Variants in ZNF91 observed in about 807,000 individuals in gnomAD.
ZNF91 encodes the protein zinc finger protein 91.
ZNF91 carries 7 observed loss-of-function variants against 12.6 expected under a neutral mutation model. That is an observed-to-expected ratio of 0.55 (90% CI 0.31 to 1.04). ZNF91 has a LOEUF of 1.04. ZNF91 is among the 50% of genes least tolerant of loss of function. The pLI, the probability that ZNF91 is intolerant of heterozygous loss-of-function variation, is 0.05. For missense variants in ZNF91, 1,217 were observed against 1,385.4 expected (o/e 0.88, Z 1.93); for synonymous variants, 453 against 462.6 (o/e 0.98, Z 0.27).
intron 1 of ZNF91, among the ~76,000 whole-genome samples, chr19:23,379,189 T>C (rs1270659211): frequency 6.6e-6 from 1 of 152,150 alleles, no homozygotes; most frequent in Non-Finnish European, 1.5e-5. Flanking sequence ...TGATTCTAAA[T>C]AGAAAATGAA....
At chr19:23,387,843 TGA>T (rs2145133877) in intron 1 of ZNF91, among the ~76,000 whole-genome samples, 1 of 148,928 alleles carries the variant, frequency 6.7e-6, no homozygotes, top group East Asian at 2.0e-4. Context: ...CTCAGGAGGC[TGA>T]GACAGGATAA....
chr19:23,325,177 A>T (rs1967812974), intron 1 of ZNF91: 1 of 151,728 alleles, frequency 6.6e-6, no homozygotes, highest in Admixed American at 6.6e-5. Context: ...GATGATGAGG[A>T]GACTAAATTC....
At chr19:23,356,593 G>A (rs954789311), downstream of ZNF91, among the ~76,000 whole-genome samples, 6 of 152,130 alleles carry the variant, frequency 3.9e-5, no homozygotes, top group Non-Finnish European at 7.4e-5. Flanking sequence ...GGGGAAGAGT[G>A]AAAGGGGAAG....
At chr19:23,348,102 G>A (rs1169327108) in intron 3 of ZNF91, among the ~76,000 whole-genome samples, 1 of 152,058 alleles carries the variant, frequency 6.6e-6, no homozygotes, top group African/African-American at 2.4e-5. Context: ...ACACCCTACA[G>A]GCCTCAATCT....
chr19:23,374,193 T>C (rs1255870862), intron 2 of ZNF91, among the ~76,000 whole-genome samples: 1 of 151,924 alleles, frequency 6.6e-6, no homozygotes, highest in African/African-American at 2.4e-5. Flanking sequence ...GGAAATTCTT[T>C]TCTAAACAAA....
chr19:23,377,641 C>T (rs1371109546), intron 1 of ZNF91, among the ~76,000 whole-genome samples: 1 of 152,154 alleles, frequency 6.6e-6, no homozygotes, highest in African/African-American at 2.4e-5. Flanking sequence ...TGTCACAACA[C>T]AAATACTTCT....
At chr19:23,375,786 T>C (rs1969483976) in intron 1 of ZNF91, among the ~76,000 whole-genome samples, 1 of 152,032 alleles carries the variant, frequency 6.6e-6, no homozygotes. Flanking sequence ...AGATACTTAA[T>C]GATGAAGAGA....
At chr19:23,323,429 TCC>T (rs369976388) in intron 1 of ZNF91, among the ~76,000 whole-genome samples, 93 of 150,126 alleles carry the variant, frequency 6.2e-4, no homozygotes, top group African/African-American at 2.1e-3. Context: ...TTCCTCCTTC[TCC>T]CCATTCTTTT....
intron 1 of ZNF91, among the ~76,000 whole-genome samples, chr19:23,395,090 G>A (rs562593683): frequency 2.8e-4 from 43 of 152,282 alleles, no homozygotes; most frequent in African/African-American, 1.0e-3. Context: ...CCCAGAGAGG[G>A]CTCCAGGCCA....
chr19:23,361,186 C>A lies in ZNF91; in HGVS notation c.1793G>T (p.Gly598Val), dbSNP rs1968739962. ...SLSTHKIIHTGEKSYKCEECG... is the reference protein window; with the variant it reads ...SLSTHKIIHTVEKSYKCEECG... ...TTCTTCACACTTGTAAGACTTCTCT[C>A]CAGTATGAATTATCTTATGTGTAGA... Residue 598 changes from glycine (G) to valine (V), a missense_variant, in exon 4 of 4, where the codon GGA becomes GTA. This residue lies in a region of ZNF91 where 726 missense variants were observed against 895.5 expected (regional missense o/e 0.81). Coordinates refer to ENST00000300619, the MANE Select transcript of ZNF91 (RefSeq NM_003430.4). The A allele has an allele frequency of 6.2e-7, 1 of 1,613,264 alleles. No individual in the cohort carries two copies. The highest frequency in any genetic ancestry group is 8.5e-7 in the Non-Finnish European group (1 of 1,179,752).
At chr19:23,346,197 A>G (rs1968228509) in intron 3 of ZNF91, among the ~76,000 whole-genome samples, 1 of 152,142 alleles carries the variant, frequency 6.6e-6, no homozygotes. Flanking sequence ...GAGTTTCAGT[A>G]CCTCACCCAG....
chr19:23,353,255 C>A (rs1377747421), downstream of ZNF91, among the ~76,000 whole-genome samples: 2 of 152,142 alleles, frequency 1.3e-5, no homozygotes, highest in East Asian at 3.8e-4. Context: ...TTATATCAAG[C>A]ACTCTCTCAG....
At chr19:23,322,523 T>A (rs1322092291) in intron 1 of ZNF91, among the ~76,000 whole-genome samples, 1 of 152,196 alleles carries the variant, frequency 6.6e-6, no homozygotes, top group Non-Finnish European at 1.5e-5. Context: ...TTCCTTTAGC[T>A]CTGAAATTGA....
At chr19:23,305,071 A>G (rs1967380077) in exon 4 of ZNF91, 1 of 152,176 alleles carries the variant, frequency 6.6e-6, no homozygotes, top group African/African-American at 2.4e-5. Flanking sequence ...GGTTTGGTTG[A>G]CTGAAGAAGT....
intron 1 of ZNF91, among the ~76,000 whole-genome samples, chr19:23,322,190 TACCC>T (rs758252443): frequency 6.6e-6 from 1 of 152,206 alleles, no homozygotes; most frequent in Non-Finnish European, 1.5e-5. Context: ...TCCTGAGCCC[TACCC>T]ACAGAAGGCA....
chr19:23,347,119 C>A (rs188275410), intron 3 of ZNF91, among the ~76,000 whole-genome samples: 6 of 152,062 alleles, frequency 3.9e-5, no homozygotes, highest in African/African-American at 9.7e-5. Flanking sequence ...TGTCACCCCC[C>A]CTACACACTG....
chr19:23,341,859 C>G (rs918622551), intron 3 of ZNF91, among the ~76,000 whole-genome samples: 6 of 152,130 alleles, frequency 3.9e-5, no homozygotes, highest in Non-Finnish European at 7.4e-5. Flanking sequence ...CTAAAATACT[C>G]AGAAATATTC....
At chr19:23,354,795 A>T (rs185344479), downstream of ZNF91, among the ~76,000 whole-genome samples, 1 of 152,312 alleles carries the variant, frequency 6.6e-6, no homozygotes, top group East Asian at 1.9e-4. Context: ...ATTAATGTAC[A>T]CAACTCAGTA....
chr19:23,337,605 A>G (rs1968039841), downstream of ZNF91, among the ~76,000 whole-genome samples: 1 of 152,068 alleles, frequency 6.6e-6, no homozygotes, highest in South Asian at 2.1e-4. Context: ...GGCTTATGAC[A>G]CTTTCAAAGG....
Sources: allele counts gnomAD v4.1 joint callset (sites outside exome capture counted in the v4.1 genomes callset), GRCh38; gene constraint gnomAD v4.1.1; regional missense constraint gnomAD v4.1.1; transcripts MANE v1.5; gene names NCBI Gene and HGNC (gene_info 2026-07-23, HGNC 2026-07-21).